Variants in LRMDA observed in about 807,000 individuals in gnomAD.
The protein encoded by LRMDA is leucine rich melanocyte differentiation associated.
A neutral mutation model predicts 29.8 loss-of-function variants in LRMDA; 18 were observed. The ratio of observed to expected loss-of-function variants is 0.60; its 90% confidence interval spans 0.42 to 0.90. The LOEUF (loss-of-function observed/expected upper bound fraction) is 0.90. Ranked by LOEUF, LRMDA falls within the 40% of genes least tolerant of loss-of-function variation. The pLI is 0.00. For missense variants in LRMDA, 273 were observed against 273.9 expected, an observed-to-expected ratio of 1.00 and a Z score of 0.02; for synonymous variants, 125 against 109.4, an observed-to-expected ratio of 1.14 and a Z score of -0.89.
intron 5 of LRMDA, among the ~76,000 whole-genome samples, chr10:76,238,291 A>G (rs1180742295): frequency 6.6e-6 from 1 of 152,110 alleles, no homozygotes; most frequent in Non-Finnish European, 1.5e-5. Flanking sequence ...CAGCCTAATG[A>G]CGCAGGCAAT....
intron 5 of LRMDA, among the ~76,000 whole-genome samples, chr10:76,220,301 T>A (rs1182821600): frequency 1.3e-5 from 2 of 151,804 alleles, no homozygotes; most frequent in East Asian, 1.9e-4. Context: ...GACACAAAAA[T>A]ACCTTCAAAA....
intron 6 of LRMDA, among the ~76,000 whole-genome samples, chr10:76,517,332 T>C (rs1843072252): frequency 6.6e-6 from 1 of 152,040 alleles, no homozygotes. Context: ...AAAGAGAAGA[T>C]TTTATGAGTA....
At chr10:76,471,184 A>G (rs1842614041) in intron 6 of LRMDA, among the ~76,000 whole-genome samples, 1 of 151,772 alleles carries the variant, frequency 6.6e-6, no homozygotes, top group African/African-American at 2.4e-5. Flanking sequence ...CTATGAATAT[A>G]TGCTTACTCT....
chr10:76,201,253 C>T (rs188736788), intron 5 of LRMDA, among the ~76,000 whole-genome samples: 109 of 152,020 alleles, frequency 7.2e-4, no homozygotes, highest in Admixed American at 5.3e-3. Flanking sequence ...TGCACCACCA[C>T]GCCAGCTAAC....
At chr10:75,545,336 G>A (rs1840066460) in intron 2 of LRMDA, among the ~76,000 whole-genome samples, 1 of 152,120 alleles carries the variant, frequency 6.6e-6, no homozygotes, top group Admixed American at 6.6e-5. Context: ...GGGGGGTTGG[G>A]CAGAAAGAAA....
At chr10:75,592,206 C>A (rs1233583615) in intron 2 of LRMDA, among the ~76,000 whole-genome samples, 1 of 152,126 alleles carries the variant, frequency 6.6e-6, no homozygotes, top group African/African-American at 2.4e-5. Flanking sequence ...GAGCCGGGGC[C>A]TGACCAGCCC....
chr10:76,260,035 CCTGT>C (rs894619377), intron 5 of LRMDA, among the ~76,000 whole-genome samples: 23 of 151,866 alleles, frequency 1.5e-4, no homozygotes, highest in African/African-American at 4.4e-4. Context: ...ACCCATTCAT[CCTGT>C]CTATGTTTTT....
At chr10:76,006,076 A>G (rs1474636915) in intron 2 of LRMDA, among the ~76,000 whole-genome samples, 1 of 152,086 alleles carries the variant, frequency 6.6e-6, no homozygotes, top group Non-Finnish European at 1.5e-5. Flanking sequence ...AGGGAAAGAG[A>G]ACAGATCCGC....
chr10:75,923,686 G>A (rs1272250401), intron 2 of LRMDA, among the ~76,000 whole-genome samples: 1 of 152,118 alleles, frequency 6.6e-6, no homozygotes, highest in African/African-American at 2.4e-5. Context: ...GCATGGAAGA[G>A]CTCTACTTTC....
chr10:76,363,420 A>T (rs1281413166), intron 6 of LRMDA, among the ~76,000 whole-genome samples: 4 of 152,174 alleles, frequency 2.6e-5, no homozygotes, highest in Non-Finnish European at 5.9e-5. Flanking sequence ...TAGAAAATTC[A>T]GTGGAATGTA....
chr10:76,123,236 C>T (rs1849819328), intron 5 of LRMDA, among the ~76,000 whole-genome samples: 2 of 151,756 alleles, frequency 1.3e-5, no homozygotes, highest in South Asian at 4.2e-4. Context: ...AGGCAAGGCA[C>T]AGTGGCTCAT....
intron 6 of LRMDA, among the ~76,000 whole-genome samples, chr10:76,365,850 G>A (rs561718437): frequency 1.3e-5 from 2 of 152,234 alleles, no homozygotes; most frequent in South Asian, 2.1e-4. Flanking sequence ...TTTTTCCAAT[G>A]TTATCTTCTA....
chr10:75,955,758 G>A (rs1377806839), intron 2 of LRMDA, among the ~76,000 whole-genome samples: 8 of 152,012 alleles, frequency 5.3e-5, no homozygotes, highest in Admixed American at 3.3e-4. Flanking sequence ...ACATTTGTTC[G>A]TATTTTTGGA....
intron 6 of LRMDA, among the ~76,000 whole-genome samples, chr10:76,365,073 C>CAG: frequency 2.4e-5 from 1 of 41,628 alleles, no homozygotes; most frequent in African/African-American, 2.1e-4. Flanking sequence ...TATATATATA[C>CAG]ACACACACAC....
chr10:75,431,841 C>T, intron 1 of LRMDA, 87 bp downstream of exon 1: 1 of 1,204,908 alleles, frequency 8.3e-7, no homozygotes, highest in Non-Finnish European at 1.0e-6. Flanking sequence ...AGGGCCTAGA[C>T]ACCCCTGTCC....
intron 1 of LRMDA, among the ~76,000 whole-genome samples, chr10:75,432,183 T>C (rs1218615205): frequency 6.6e-6 from 1 of 152,264 alleles, no homozygotes. Flanking sequence ...AGTTGTAATA[T>C]ACAAATTTAC....
At chr10:75,851,642 T>C (rs531484410) in intron 2 of LRMDA, among the ~76,000 whole-genome samples, 21 of 152,346 alleles carry the variant, frequency 1.4e-4, no homozygotes, top group Non-Finnish European at 2.2e-4. Flanking sequence ...TAGTGACCCA[T>C]TGAAATTGGC....
At chr10:75,525,881 T>A (rs1195425181) in intron 2 of LRMDA, among the ~76,000 whole-genome samples, 1 of 151,752 alleles carries the variant, frequency 6.6e-6, no homozygotes, top group African/African-American at 2.4e-5. Flanking sequence ...GCACATACTG[T>A]CTGAGCCATT....
intron 2 of LRMDA, among the ~76,000 whole-genome samples, chr10:75,936,490 T>A (rs1846295763): frequency 6.6e-6 from 1 of 152,188 alleles, no homozygotes; most frequent in African/African-American, 2.4e-5. Flanking sequence ...TATATACAAA[T>A]ACATATCTCA....
Sources: allele counts gnomAD v4.1 joint callset (sites outside exome capture counted in the v4.1 genomes callset), GRCh38; gene constraint gnomAD v4.1.1; transcripts MANE v1.5; gene names NCBI Gene and HGNC (gene_info 2026-07-23, HGNC 2026-07-21).